MAP3K8: variants seen among roughly 807,000 people sequenced by gnomAD.
The protein encoded by MAP3K8 is Ewing sarcoma transformant.
In MAP3K8, 22 loss-of-function variants were observed where a neutral mutation model predicts 45.8. The observed-to-expected ratio is 0.48, with a 90% CI of 0.34 to 0.69. The LOEUF is 0.69. MAP3K8 is among the 30% of genes least tolerant of loss of function. MAP3K8 has a pLI of 0.01. For missense variants in MAP3K8, 419 were observed against 585.0 expected (o/e 0.72, Z 2.93); for synonymous variants, 223 against 214.3 (o/e 1.04, Z -0.36).
chr10:30,446,534 CAAAA>C (rs5784199), intron 3 of MAP3K8, among the ~76,000 whole-genome samples: 6 of 89,242 alleles, frequency 6.7e-5, no homozygotes, highest in Admixed American at 1.3e-4. Flanking sequence ...GACTCCATCT[CAAAA>C]AAAAAAAAAA....
At chr10:30,450,633 A>G in intron 5 of MAP3K8, 114 bp downstream of exon 5, 1 of 854,018 alleles carries the variant, frequency 1.2e-6, no homozygotes, top group Non-Finnish European at 1.9e-6. Context: ...AAGCTCCCTC[A>G]GAGCACCGTC....
At chr10:30,460,635 T>C (rs988907936) in intron 8 of MAP3K8, 71 bp from the exon 9 acceptor site, 6 of 1,307,474 alleles carry the variant, frequency 4.6e-6, no homozygotes, top group South Asian at 1.4e-5. Context: ...TTTATTTCAC[T>C]GCAGAAGGAA....
intron 8 of MAP3K8, 88 bp from the exon 9 acceptor site, chr10:30,460,618 C>A: frequency 9.0e-7 from 1 of 1,109,684 alleles, no homozygotes; most frequent in East Asian, 2.6e-5. Context: ...TTATTAGGCC[C>A]CAAAGATTTA....
At chr10:30,440,418 C>T (rs303444) in intron 3 of MAP3K8, among the ~76,000 whole-genome samples, 110,882 of 152,082 alleles carry the variant, frequency 0.73, 41,166 homozygotes, top group African/African-American at 0.85. Context: ...AATTATTTTG[C>T]TTTTTTGCAT....
intron 8 of MAP3K8, 139 bp from the exon 9 acceptor site, chr10:30,460,567 A>G (rs781496700): frequency 1.6e-6 from 1 of 610,388 alleles, no homozygotes; most frequent in Non-Finnish European, 2.7e-6. Context: ...GAACTTAGCC[A>G]TAGTGTTCAA....
rs771989921 is a variant in MAP3K8 at position 30,450,258 on chromosome 10, A to G, written c.505A>G (p.Ile169Val). 24 of 1,591,558 alleles carry G rather than the reference A, an allele frequency of 1.5e-5. No homozygotes were observed. The highest frequency in any genetic ancestry group is 2.1e-5 in the Non-Finnish European group (24 of 1,166,504). The change falls in exon 5 of 9, where the codon ATC (isoleucine) becomes GTC (valine). Residue 169 changes from isoleucine to valine, a missense_variant and splice_region_variant. This residue lies in a region of MAP3K8 where 209 missense variants were observed against 367.3 expected (regional missense o/e 0.57). Coordinates refer to ENST00000263056, the MANE Select transcript of MAP3K8 (RefSeq NM_005204.4). Reference protein sequence around the residue: ...KTKKRMACKLIPVDQFKPSDV... With the variant: ...KTKKRMACKLVPVDQFKPSDV... ...TCTCGCTTGTATTTTTGTGTTCTAGATCCCAGTAGATCAATTTAAGCCATC... is the reference window on the plus strand; with the variant it reads ...TCTCGCTTGTATTTTTGTGTTCTAGGTCCCAGTAGATCAATTTAAGCCATC...
intron 3 of MAP3K8, among the ~76,000 whole-genome samples, chr10:30,441,501 A>T (rs1233890989): frequency 6.6e-6 from 1 of 152,216 alleles, no homozygotes; most frequent in African/African-American, 2.4e-5. Context: ...AAAGGCAGGG[A>T]TCTTGAAAAA....
intron 4 of MAP3K8, among the ~76,000 whole-genome samples, chr10:30,448,973 A>T (rs1836441982): frequency 6.6e-6 from 1 of 152,224 alleles, no homozygotes; most frequent in Non-Finnish European, 1.5e-5. Context: ...AATGGGATAT[A>T]TTTACTTAGT....
intron 3 of MAP3K8, among the ~76,000 whole-genome samples, chr10:30,443,386 CCCTT>C (rs1264233898): frequency 6.6e-6 from 1 of 152,126 alleles, no homozygotes; most frequent in Non-Finnish European, 1.5e-5. Context: ...ATTGTTACAC[CCCTT>C]CCTTATGACA....
At chr10:30,457,038 C>T (rs962926292) in intron 6 of MAP3K8, among the ~76,000 whole-genome samples, 3 of 151,576 alleles carry the variant, frequency 2.0e-5, no homozygotes, top group African/African-American at 4.9e-5. Context: ...GAACCGAGAT[C>T]GCACCATTGC....
chr10:30,458,265 CGGCG>C, intron 7 of MAP3K8, 29 bp downstream of exon 7: 1 of 405,656 alleles, frequency 2.5e-6, no homozygotes, highest in Non-Finnish European at 3.7e-6. Flanking sequence ...GGGCTGGGGG[CGGCG>C]GGGGGGGGCG....
intron 3 of MAP3K8, chr10:30,439,597 G>A (rs947257199): frequency 2.3e-6 from 1 of 427,380 alleles, no homozygotes; most frequent in South Asian, 4.7e-5. Context: ...ATCACTTGAG[G>A]TCAGCAATTA....
chr10:30,434,695 G>T, intron 1 of MAP3K8: 1 of 985,516 alleles, frequency 1.0e-6, no homozygotes, highest in Non-Finnish European at 1.2e-6. Flanking sequence ...CTGTCACTGC[G>T]CCTCCCGCTG....
chr10:30,447,497 T>C (rs1261188131), intron 3 of MAP3K8, among the ~76,000 whole-genome samples: 1 of 152,234 alleles, frequency 6.6e-6, no homozygotes, highest in Non-Finnish European at 1.5e-5. Flanking sequence ...GTCATGCTTT[T>C]TTAGATAAAT....
At chr10:30,442,897 T>G (rs1836162171) in intron 3 of MAP3K8, among the ~76,000 whole-genome samples, 1 of 152,198 alleles carries the variant, frequency 6.6e-6, no homozygotes, top group Non-Finnish European at 1.5e-5. Context: ...CTCCGTCTAG[T>G]ACTCAAATCA....
chr10:30,452,106 G>A (rs1325788028), intron 6 of MAP3K8, among the ~76,000 whole-genome samples: 1 of 152,044 alleles, frequency 6.6e-6, no homozygotes, highest in East Asian at 1.9e-4. Flanking sequence ...GGCTGGGGTG[G>A]GAGGATCAAT....
Position 30,439,121 on chromosome 10 carries a change from GTC to G in MAP3K8, c.187_188del (p.Leu63AlafsTer3). The G allele has an allele frequency of 6.2e-7, 1 of 1,614,218 alleles. No homozygotes were observed. The highest frequency in any genetic ancestry group is 8.5e-7 in the Non-Finnish European group (1 of 1,180,044). Reference sequence around the variant, plus strand: ...GTAATCAAAACGATGAGCGTTCTAAGTCTCTGCTGCTTAGTGGCCAAGAGGTA... The same window carrying G: ...GTAATCAAAACGATGAGCGTTCTAAGTCTGCTGCTTAGTGGCCAAGAGGTA... ...DSNQNDERSK[S>X]LLLSGQEVPW... On this transcript the variant is annotated frameshift_variant, in exon 3 of 9. Coordinates refer to ENST00000263056, the MANE Select transcript of MAP3K8 (RefSeq NM_005204.4). LOFTEE classifies it high-confidence loss of function.
intron 5 of MAP3K8, among the ~76,000 whole-genome samples, chr10:30,451,241 T>G (rs996322905): frequency 6.6e-6 from 1 of 152,168 alleles, no homozygotes; most frequent in Non-Finnish European, 1.5e-5. Context: ...AGGAGTCTGA[T>G]ATGATGAGGA....
At chr10:30,437,753 G>A (rs997686546) in intron 2 of MAP3K8, among the ~76,000 whole-genome samples, 1 of 152,234 alleles carries the variant, frequency 6.6e-6, no homozygotes, top group African/African-American at 2.4e-5. Context: ...TGAAGCTCCA[G>A]ATTGATCAGA....
Sources: allele counts gnomAD v4.1 joint callset (sites outside exome capture counted in the v4.1 genomes callset), GRCh38; gene constraint gnomAD v4.1.1; regional missense constraint gnomAD v4.1.1; transcripts MANE v1.5; gene names NCBI Gene and HGNC (gene_info 2026-07-23, HGNC 2026-07-21).